Variants in MAP3K3 observed in about 807,000 individuals in gnomAD.
MAP3K3 encodes mitogen-activated protein kinase kinase kinase 3.
Under a neutral mutation model 80.9 loss-of-function variants are expected in MAP3K3, and 12 were observed. The ratio of observed to expected loss-of-function variants is 0.15; its 90% CI spans 0.10 to 0.24. The LOEUF is 0.24. Ranked by LOEUF, MAP3K3 falls within the 10% of genes least tolerant of loss-of-function variation. The pLI is 1.00. For synonymous variants in MAP3K3, 272 were observed against 307.1 expected (o/e 0.89, Z 1.19); for missense variants, 596 against 834.7 (o/e 0.71, Z 3.52).
intron 1 of MAP3K3, among the ~76,000 whole-genome samples, chr17:63,628,391 G>A (rs367582628): frequency 2.2e-5 from 3 of 135,370 alleles, no homozygotes; most frequent in Non-Finnish European, 3.1e-5. Context: ...ACGGAGTTTC[G>A]CTCTTGTTGC....
chr17:63,671,859 G>A (rs1291073902), intron 6 of MAP3K3, among the ~76,000 whole-genome samples: 1 of 152,030 alleles, frequency 6.6e-6, no homozygotes, highest in African/African-American at 2.4e-5. Flanking sequence ...AAGACCAAAA[G>A]GCTTAAGAAT....
Position 63,688,838 on chromosome 17 carries a change from C to A in MAP3K3, c.828C>A (p.Pro276=), listed in dbSNP as rs750929203. The A allele has an allele frequency of 1.2e-5, 19 of 1,613,938 alleles. No individual in the cohort carries two copies. The highest frequency in any genetic ancestry group is 1.5e-5 in the Non-Finnish European group (18 of 1,179,978). ...YDKGVKGGTY[P]RRYHVSVHHK... is the part of the protein sequence containing the mutation. Reference sequence around the variant, plus strand: ...AAGGGGTCAAAGGTGGAACCTACCCCCGGCGCTACCACGTGTCTGTGCACC... The same window carrying A: ...AAGGGGTCAAAGGTGGAACCTACCCACGGCGCTACCACGTGTCTGTGCACC... Residue 276 remains proline (P), a synonymous_variant, in exon 10 of 16, where the codon CCC becomes CCA. Transcript: ENST00000361733.
chr17:63,652,209 T>A (rs1168280346), intron 3 of MAP3K3, among the ~76,000 whole-genome samples: 1 of 152,114 alleles, frequency 6.6e-6, no homozygotes, highest in East Asian at 1.9e-4. Flanking sequence ...AGCCCCAGTG[T>A]GTATTGTTCC....
chr17:63,687,852 C>T (rs372085589), intron 8 of MAP3K3, among the ~76,000 whole-genome samples: 4 of 150,986 alleles, frequency 2.6e-5, no homozygotes, highest in African/African-American at 4.9e-5. Context: ...GCAGGAGAAT[C>T]GCTTGAACCC....
At position 63,632,670 on chromosome 17, in the gene MAP3K3, T is replaced by C. The variant is rs1294957681; in HGVS notation, c.5-11T>C. The C allele has an allele frequency of 2.4e-5, 38 of 1,613,800 alleles. No homozygotes were observed. In the East Asian group the frequency reaches 8.5e-4, roughly 36 times the overall value. On this transcript the variant is annotated splice_polypyrimidine_tract_variant and intron_variant, in intron 1 of 15. Coordinates refer to ENST00000361733, the MANE Select transcript of MAP3K3 (RefSeq NM_002401.5). ...TAAGTGTCTTAGTCCATGTGCTCTC[T>C]TTCATTGCAGACGAACAGGAGGCAT... is the stretch of plus-strand genomic sequence containing the variant.
intron 2 of MAP3K3, among the ~76,000 whole-genome samples, chr17:63,641,004 C>A (rs932239373): frequency 6.6e-6 from 1 of 152,200 alleles, no homozygotes; most frequent in African/African-American, 2.4e-5. Context: ...TACCATACTA[C>A]CCCTCTAAAT....
At chr17:63,646,457 T>G (rs1359323947) in intron 3 of MAP3K3, among the ~76,000 whole-genome samples, 1 of 152,228 alleles carries the variant, frequency 6.6e-6, no homozygotes, top group Admixed American at 6.5e-5. Flanking sequence ...GTGCCATTAC[T>G]ATTCCCAGTA....
At position 63,667,029 on chromosome 17, in the gene MAP3K3, C is replaced by A; in HGVS notation, c.471C>A (p.Pro157=). The stretch of plus-strand genomic sequence containing the variant: ...GGGATATAAATACTATCTACCAGCC[C>A]CCCGAGCCCAGAAGCAGGCACCTCT... ...SAGDINTIYQ[P]PEPRSRHLSV... Residue 157 remains proline, a synonymous_variant, in exon 6 of 16, where the codon CCC becomes CCA. Coordinates refer to ENST00000361733, the MANE Select transcript of MAP3K3 (RefSeq NM_002401.5). 1.9e-6 allele frequency: 3 copies of A among 1,610,880 alleles called. No homozygotes were observed. The highest frequency in any genetic ancestry group is 2.5e-6 in the Non-Finnish European group (3 of 1,179,250).
intron 6 of MAP3K3, among the ~76,000 whole-genome samples, chr17:63,677,452 A>T (rs1042723002): frequency 2.0e-5 from 3 of 152,248 alleles, no homozygotes; most frequent in African/African-American, 7.2e-5. Flanking sequence ...GTTTTGTGAC[A>T]TGATAAGACT....
Position 63,692,253 on chromosome 17 carries a change from C to T in MAP3K3, c.1486C>T (p.Leu496Phe), listed in dbSNP as rs2143637725. ...VHRDIKGANI[L>F]RDSAGNVKLG... ...CTTTCATGCCTCAGGAGCCAACATC[C>T]TCCGAGACTCTGCTGGGAATGTAAA... The change falls in exon 15 of 16, where the codon CTC becomes TTC. Residue 496 changes from leucine to phenylalanine, a missense_variant. Around this residue, in one of 2 missense-constraint regions of MAP3K3, gnomAD observed 364 missense variants for 588.9 expected, o/e 0.62. Transcript: ENST00000361733. The surrounding 1 kb of genome is among the most constrained non-coding windows in gnomAD (Gnocchi z 4.5). The T allele has an allele frequency of 6.2e-7, 1 of 1,614,006 alleles. No homozygotes were observed. Among genetic ancestry groups the T allele is most frequent in the Non-Finnish European group, 8.5e-7 (1 of 1,180,018 alleles).
intron 7 of MAP3K3, among the ~76,000 whole-genome samples, chr17:63,682,146 G>A (rs927183838): frequency 3.9e-5 from 6 of 152,220 alleles, no homozygotes; most frequent in Non-Finnish European, 7.3e-5. Context: ...GGATTTAACA[G>A]ATTTTTCTTC....
chr17:63,678,966 T>C (rs1457287255), intron 6 of MAP3K3, among the ~76,000 whole-genome samples: 3 of 151,830 alleles, frequency 2.0e-5, no homozygotes, highest in Non-Finnish European at 1.5e-5. Flanking sequence ...GAGGCGGAGG[T>C]TGCCTTGAGC....
In MAP3K3 at chr17:63,693,091, T is replaced by C. The variant is rs1015340847; in HGVS notation, c.1653-458T>C. 6.6e-6 allele frequency among the ~76,000 whole-genome samples: 1 copy of C among 152,092 alleles called. No individual in the cohort carries two copies. Among genetic ancestry groups the C allele is most frequent in the Admixed American group, 6.6e-5 (1 of 15,266 alleles). ...GGGACCATGAGCCACGAAATGCAGG[T>C]GGCCTCTAGAACCCAGGAAAGGCAA... On this transcript the variant is annotated intron_variant, in intron 15 of 15. Transcript: ENST00000361733. This position sits in a 1 kb window ranked among gnomAD's most constrained non-coding sequence, Gnocchi z 4.2.
rs375880648 is a variant in MAP3K3, at chr17:63,662,263, C to T, written c.381+4356C>T. 6.2e-3 allele frequency among the ~76,000 whole-genome samples: 789 copies of T among 126,976 alleles called. 5 individuals carry two copies. Among genetic ancestry groups the T allele is most frequent in the African/African-American group, 0.022 (714 of 33,082 alleles). 83.3% of individuals were successfully genotyped at this position (126,976 alleles called of 152,430 possible). ...TCTATTGAAAAAAAAAAAAAAAAAA[C>T]GAAAATTAGCCAGGTGTGGTGCGTG... On this transcript the variant is annotated intron_variant, in intron 5 of 15. Coordinates refer to ENST00000361733, the MANE Select transcript of MAP3K3 (RefSeq NM_002401.5).
chr17:63,645,886 C>T, intron 2 of MAP3K3, 148 bp from the exon 3 acceptor site: 1 of 664,418 alleles, frequency 1.5e-6, no homozygotes. Flanking sequence ...AAGGAATGCC[C>T]ATGCCCATCT....
chr17:63,650,737 G>C (rs2034638403), intron 3 of MAP3K3, among the ~76,000 whole-genome samples: 1 of 147,856 alleles, frequency 6.8e-6, no homozygotes, highest in African/African-American at 2.5e-5. Context: ...TGTTGCCTAG[G>C]CTGGAGTATA....
intron 2 of MAP3K3, among the ~76,000 whole-genome samples, chr17:63,644,056 TAATG>T (rs1037757416): frequency 6.6e-6 from 1 of 152,144 alleles, no homozygotes; most frequent in African/African-American, 2.4e-5. Flanking sequence ...ATAGGGATAA[TAATG>T]GTACTTGTTT....
intron 1 of MAP3K3, among the ~76,000 whole-genome samples, chr17:63,631,751 A>G (rs2034220275): frequency 6.6e-6 from 1 of 152,202 alleles, no homozygotes; most frequent in South Asian, 2.1e-4. Flanking sequence ...GGTGGAGACA[A>G]TGCATTGCTT....
intron 6 of MAP3K3, among the ~76,000 whole-genome samples, chr17:63,676,481 T>TA (rs2035222189): frequency 6.6e-6 from 1 of 152,256 alleles, no homozygotes; most frequent in Non-Finnish European, 1.5e-5. Flanking sequence ...GTTTCATAAA[T>TA]AAGAGTTTTT....
Sources: allele counts gnomAD v4.1 joint callset (sites outside exome capture counted in the v4.1 genomes callset), GRCh38; gene constraint gnomAD v4.1.1; regional missense constraint gnomAD v4.1.1; non-coding constraint Gnocchi (gnomAD v3.1); transcripts MANE v1.5; gene names NCBI Gene and HGNC (gene_info 2026-07-23, HGNC 2026-07-21).